Variants in BNC2 observed in about 807,000 individuals in gnomAD.
BNC2 encodes the protein zinc finger protein basonuclin-2.
In BNC2, 20 loss-of-function variants were observed where a neutral mutation model predicts 76.3. The observed-to-expected ratio is 0.26, with a 90% CI of 0.18 to 0.38. BNC2 has a LOEUF of 0.38. BNC2 is among the 10% of genes least tolerant of loss of function. The probability of loss-of-function intolerance (pLI) is 1.00; values close to 1 mark genes in which losing one functional copy is unlikely to be tolerated. For missense variants in BNC2, 1,382 were observed against 1,399.8 expected, an observed-to-expected ratio of 0.99 and a Z score of 0.20; for synonymous variants, 582 against 514.8, an observed-to-expected ratio of 1.13 and a Z score of -1.77.
At chr9:16,470,578 A>T (rs919203571) in intron 5 of BNC2, among the ~76,000 whole-genome samples, 3 of 152,194 alleles carry the variant, frequency 2.0e-5, no homozygotes, top group East Asian at 1.9e-4. Flanking sequence ...TGCTGTGTGC[A>T]GCCTAGGAAC....
At position 16,597,892 on chromosome 9, in the gene BNC2, T is replaced by G. The variant is rs138252530; in HGVS notation, c.331-14807A>C. ...TTCCGTGCCTGGTTTTCGGGGCAGT[T>G]TTGAAGAGTTAAATCCATATATTGG... On this transcript the variant is annotated intron_variant, in intron 3 of 6. Coordinates refer to ENST00000380672, the MANE Select transcript of BNC2 (RefSeq NM_017637.6). Among the ~76,000 whole-genome samples the G allele has an allele frequency of 4.6e-5, 7 of 152,252 alleles. No homozygotes were observed. The East Asian group carries it at 9.6e-4, about 21-fold the overall frequency.
At chr9:16,744,266 G>A (rs1375304506) in intron 1 of BNC2, among the ~76,000 whole-genome samples, 1 of 152,134 alleles carries the variant, frequency 6.6e-6, no homozygotes. Context: ...ACCACGCCTG[G>A]CCTAGACTGC....
At chr9:16,509,045 G>T (rs1226188143) in intron 5 of BNC2, among the ~76,000 whole-genome samples, 1 of 151,812 alleles carries the variant, frequency 6.6e-6, no homozygotes, top group Non-Finnish European at 1.5e-5. Flanking sequence ...GCCCAGGCTG[G>T]TCTTGAACTC....
intron 5 of BNC2, among the ~76,000 whole-genome samples, chr9:16,540,664 CATTTATGTG>C (rs1818291150): frequency 6.6e-6 from 1 of 152,096 alleles, no homozygotes; most frequent in Admixed American, 6.5e-5. Flanking sequence ...TCTTAAATTC[CATTTATGTG>C]ATTTTAAAGG....
intron 5 of BNC2, among the ~76,000 whole-genome samples, chr9:16,497,447 T>G (rs1822413187): frequency 6.6e-6 from 1 of 152,184 alleles, no homozygotes; most frequent in Non-Finnish European, 1.5e-5. Context: ...TATTACATAT[T>G]CTCTAATTCA....
chr9:16,438,379 T>G (rs1309832472), intron 5 of BNC2, among the ~76,000 whole-genome samples: 1 of 152,314 alleles, frequency 6.6e-6, no homozygotes, highest in East Asian at 1.9e-4. Context: ...CCTCCTCTGA[T>G]AGCAAAGGGA....
At chr9:16,728,103 A>G in intron 2 of BNC2, 106 bp from the exon 3 acceptor site, 4 of 480,854 alleles carry the variant, frequency 8.3e-6, no homozygotes, top group African/African-American at 2.3e-5. Flanking sequence ...GAAGGGGGAG[A>G]TTTGGGGGAG....
chr9:16,564,463 C>A (rs1819111595), intron 4 of BNC2, among the ~76,000 whole-genome samples: 1 of 152,096 alleles, frequency 6.6e-6, no homozygotes, highest in African/African-American at 2.4e-5. Flanking sequence ...GAGGCAAAAT[C>A]AACGAGATTC....
intron 3 of BNC2, among the ~76,000 whole-genome samples, chr9:16,719,720 G>C (rs1824093333): frequency 6.6e-6 from 1 of 152,158 alleles, no homozygotes; most frequent in African/African-American, 2.4e-5. Flanking sequence ...CAAAACAAGA[G>C]TGAATCCTCC....
chr9:16,863,058 G>A (rs925096244), intron 1 of BNC2, among the ~76,000 whole-genome samples: 2 of 151,940 alleles, frequency 1.3e-5, no homozygotes, highest in Non-Finnish European at 2.9e-5. Context: ...GGGATTATAG[G>A]TGCCCGCCAC....
At chr9:16,609,461 CA>C (rs1820479577) in intron 3 of BNC2, among the ~76,000 whole-genome samples, 1 of 152,038 alleles carries the variant, frequency 6.6e-6, no homozygotes, top group African/African-American at 2.4e-5. Flanking sequence ...TCCAGGACAA[CA>C]AAAATTGGAG....
intron 5 of BNC2, among the ~76,000 whole-genome samples, chr9:16,522,519 T>C (rs997016209): frequency 2.0e-5 from 3 of 152,222 alleles, no homozygotes; most frequent in Non-Finnish European, 4.4e-5. Context: ...AAGGAGACTT[T>C]CTGATGCTTT....
chr9:16,782,177 C>T (rs556672847), intron 1 of BNC2, among the ~76,000 whole-genome samples: 3 of 151,792 alleles, frequency 2.0e-5, no homozygotes, highest in African/African-American at 4.8e-5. Flanking sequence ...CCCAGCTACT[C>T]GGGAGGCTGA....
chr9:16,734,824 C>T (rs893660569), intron 2 of BNC2, among the ~76,000 whole-genome samples: 30 of 152,268 alleles, frequency 2.0e-4, no homozygotes, highest in Admixed American at 1.6e-3. Flanking sequence ...GAAAATAGGC[C>T]TTCTAACTTA....
At chr9:16,793,854 G>GTTT (rs1220978278) in intron 1 of BNC2, among the ~76,000 whole-genome samples, 5 of 85,624 alleles carry the variant, frequency 5.8e-5, no homozygotes, top group Admixed American at 1.3e-4. Context: ...GTTTTTTGTG[G>GTTT]TTTTTGTTTT....
chr9:16,430,207 A>C (rs1030419241), intron 6 of BNC2, among the ~76,000 whole-genome samples: 12 of 151,856 alleles, frequency 7.9e-5, no homozygotes, highest in African/African-American at 2.4e-4. Context: ...AAAAAAAAAA[A>C]CTCTTCCTTA....
At chr9:16,842,126 T>A (rs1818846111) in intron 1 of BNC2, among the ~76,000 whole-genome samples, 1 of 152,196 alleles carries the variant, frequency 6.6e-6, no homozygotes, top group Non-Finnish European at 1.5e-5. Context: ...CATTATTTAA[T>A]GCACATATTT....
At chr9:16,470,924 G>C (rs1419106694) in intron 5 of BNC2, among the ~76,000 whole-genome samples, 1 of 152,198 alleles carries the variant, frequency 6.6e-6, no homozygotes, top group African/African-American at 2.4e-5. Context: ...TGAGAAGAGG[G>C]CCACCGACCT....
chr9:16,710,422 A>T (rs1447011921), intron 3 of BNC2, among the ~76,000 whole-genome samples: 1 of 152,254 alleles, frequency 6.6e-6, no homozygotes, highest in Non-Finnish European at 1.5e-5. Context: ...TATCCAAAAC[A>T]GTGTAATTAT....
Sources: allele counts gnomAD v4.1 joint callset (sites outside exome capture counted in the v4.1 genomes callset), GRCh38; gene constraint gnomAD v4.1.1; transcripts MANE v1.5; gene names NCBI Gene and HGNC (gene_info 2026-07-23, HGNC 2026-07-21).